EBF4: variants seen among roughly 807,000 people sequenced by gnomAD.
The protein encoded by EBF4 is EBF transcription factor 4, also known as transcription factor COE4.
Under a neutral mutation model 67.1 loss-of-function variants are expected in EBF4, and 34 were observed. The observed-to-expected ratio is 0.51, with a 90% CI of 0.39 to 0.67. The LOEUF is 0.67. Among genes scored for constraint, EBF4 ranks in the 30% least tolerant of loss-of-function variants. The pLI is 0.00. For synonymous variants in EBF4, 387 were observed against 377.7 expected (o/e 1.02, Z -0.29); for missense variants, 837 against 873.3 (o/e 0.96, Z 0.52).
intron 6 of EBF4, among the ~76,000 whole-genome samples, chr20:2,737,808 T>TA (rs1287786202): frequency 4.3e-5 from 4 of 93,998 alleles, no homozygotes; most frequent in African/African-American, 2.3e-4. Context: ...CCGTCTCTAC[T>TA]AAAAATGTGA....
At chr20:2,712,054 G>A (rs1054949471) in intron 6 of EBF4, among the ~76,000 whole-genome samples, 6 of 152,186 alleles carry the variant, frequency 3.9e-5, no homozygotes, top group Non-Finnish European at 7.3e-5. Flanking sequence ...AGGAAATGAT[G>A]TCAGGAATAA....
chr20:2,735,519 C>T (rs1292155906), intron 6 of EBF4, among the ~76,000 whole-genome samples: 7 of 152,122 alleles, frequency 4.6e-5, no homozygotes, highest in Non-Finnish European at 1.0e-4. Flanking sequence ...CCATGTTTGC[C>T]AGTGTTCTTG....
chr20:2,710,007 A>G (rs898937162), intron 6 of EBF4, among the ~76,000 whole-genome samples: 2 of 152,234 alleles, frequency 1.3e-5, no homozygotes, highest in East Asian at 1.9e-4. Context: ...TCAGGTTCCC[A>G]GTTCACCCCT....
chr20:2,709,589 G>T, exon 6 of EBF4: 1 of 1,557,084 alleles, frequency 6.4e-7, no homozygotes. Context: ...GCTGTGACCG[G>T]AAGAGCTGTG....
intron 3 of EBF4, 37 bp from the exon 4 acceptor site, chr20:2,706,172 C>A (rs138907992): frequency 5.2e-6 from 8 of 1,551,516 alleles, no homozygotes; most frequent in African/African-American, 1.4e-5. Flanking sequence ...TGCACATGCT[C>A]CCCCAGCAGC....
At chr20:2,749,750 C>T (rs2088110492) in exon 9 of EBF4, 1 of 1,531,482 alleles carries the variant, frequency 6.5e-7, no homozygotes, top group Non-Finnish European at 8.8e-7. Context: ...TCGTGTGGAG[C>T]GAGGTGGGCC....
At chr20:2,697,453 G>A (rs2087310267) in intron 1 of EBF4, among the ~76,000 whole-genome samples, 1 of 151,962 alleles carries the variant, frequency 6.6e-6, no homozygotes, top group Non-Finnish European at 1.5e-5. Context: ...GCTGAGGCAG[G>A]AGAATGGCGT....
intron 6 of EBF4, among the ~76,000 whole-genome samples, chr20:2,730,898 T>TTTTG (rs1438414438): frequency 1.2e-4 from 18 of 152,232 alleles, no homozygotes; most frequent in East Asian, 1.2e-3. Flanking sequence ...TTGCTGGGTT[T>TTTTG]TTTGTTTGTT....
At position 2,707,189 on chromosome 20, in the gene EBF4, G is replaced by C. The variant is rs2087470440; in HGVS notation, c.415-758G>C. 6.7e-6 allele frequency among the ~76,000 whole-genome samples: 1 copy of C among 150,316 alleles called. No individual in the cohort carries two copies. Among genetic ancestry groups the C allele is most frequent in the Non-Finnish European group, 1.5e-5 (1 of 66,838 alleles). ...CTAGAATACCCATGGCCACTGGGCT[G>C]GGGGAGGCAGGCCAGGCAGTGCCTA... is the stretch of plus-strand genomic sequence containing the variant. On this transcript the variant is annotated intron_variant, in intron 4 of 16. Transcript: ENST00000609451. The surrounding 1 kb of genome is among the most constrained non-coding windows in gnomAD (Gnocchi z 4.6).
At chr20:2,699,562 G>C (rs2087345715) in intron 1 of EBF4, among the ~76,000 whole-genome samples, 1 of 152,222 alleles carries the variant, frequency 6.6e-6, no homozygotes, top group South Asian at 2.1e-4. Context: ...ACACTCTGGA[G>C]TTGAGAAGAA....
chr20:2,744,472 C>A (rs1418393780), intron 6 of EBF4, among the ~76,000 whole-genome samples: 1 of 135,076 alleles, frequency 7.4e-6, no homozygotes, highest in Non-Finnish European at 1.6e-5. Flanking sequence ...TTTTTCTTTT[C>A]TTTTTTCTTT....
At chr20:2,754,167 T>C (rs2088201182) in intron 14 of EBF4, among the ~76,000 whole-genome samples, 1 of 152,148 alleles carries the variant, frequency 6.6e-6, no homozygotes, top group South Asian at 2.1e-4. Flanking sequence ...TTTCATGATA[T>C]TGTCTTGACC....
intron 1 of EBF4, among the ~76,000 whole-genome samples, chr20:2,700,723 T>G (rs577864205): frequency 0.11 from 16,741 of 152,182 alleles, 990 homozygotes; most frequent in Admixed American, 0.14. Context: ...CATCAGCTTG[T>G]AATCAGCTTG....
rs1342769636 is a variant in EBF4, at chr20:2,745,817, C to G, written c.558-2732C>G. Among the ~76,000 whole-genome samples, 1 of 152,210 alleles carries G rather than the reference C, an allele frequency of 6.6e-6. No individual in the cohort carries two copies. Among genetic ancestry groups the G allele is most frequent in the Non-Finnish European group, 1.5e-5 (1 of 68,036 alleles). On this transcript the variant is annotated intron_variant, in intron 6 of 16. Transcript: ENST00000609451. This position sits in a 1 kb window ranked among gnomAD's most constrained non-coding sequence, Gnocchi z 5.2. ...GCAGAGAGTCCAGGCCTGGCCAGAG[C>G]CCCTATCTTGGCCCCTTCCCAAGGA...
At chr20:2,697,058 CT>C (rs1285869446) in intron 1 of EBF4, among the ~76,000 whole-genome samples, 3 of 152,200 alleles carry the variant, frequency 2.0e-5, no homozygotes, top group African/African-American at 7.2e-5. Context: ...CCCCTCTTGA[CT>C]TTGGAAGACT....
chr20:2,759,118 C>T lies in EBF4; in HGVS notation c.*5+134C>T, dbSNP rs2088288290. The T allele has an allele frequency of 1.1e-5, 10 of 883,102 alleles. No homozygotes were observed. The South Asian group carries it at 1.6e-4, about 14-fold the overall frequency. The allele number at this position is 883,102 out of a possible 1,614,324, so 54.7% of individuals were successfully genotyped here. ...AGGGATGGGGAGCTGGGGTCCAAGT[C>T]TTCCTCCCCGGGGCCCATCTAGACA... On this transcript the variant is annotated intron_variant, in intron 16 of 16. Coordinates refer to ENST00000609451, the Ensembl canonical transcript of EBF4.
chr20:2,723,100 C>T (rs774650040), intron 6 of EBF4, among the ~76,000 whole-genome samples: 3 of 152,186 alleles, frequency 2.0e-5, no homozygotes, highest in Non-Finnish European at 4.4e-5. Flanking sequence ...TATATTATTA[C>T]TATTCGATAA....
chr20:2,709,687 G>C, intron 6 of EBF4, 45 bp downstream of exon 6: 3 of 1,481,930 alleles, frequency 2.0e-6, no homozygotes, highest in Non-Finnish European at 2.7e-6. Flanking sequence ...GGAGAGTGGG[G>C]GAGGGGCAGC....
intron 6 of EBF4, among the ~76,000 whole-genome samples, chr20:2,723,617 G>A (rs2087712566): frequency 6.6e-6 from 1 of 152,062 alleles, no homozygotes; most frequent in Non-Finnish European, 1.5e-5. Context: ...CCAAAGTGCT[G>A]GGATTACAGG....
Sources: gnomAD v4.1 joint callset for allele counts (sites outside exome capture counted in the v4.1 genomes callset) on GRCh38, gnomAD v4.1.1 for gene constraint, Gnocchi (gnomAD v3.1) non-coding constraint, MANE v1.5 for transcripts, NCBI Gene and HGNC (gene_info 2026-07-23, HGNC 2026-07-21) for gene names.